The following GFRA2 variants were observed in gnomAD, a reference collection of about 807,000 sequenced individuals.
The protein encoded by GFRA2 is GDNF family receptor alpha 2, also known as GDNF family receptor alpha-2.
GFRA2 carries 17 observed loss-of-function variants against 48.3 expected under a neutral mutation model. The observed-to-expected ratio is 0.35, with a 90% confidence interval of 0.24 to 0.53. The LOEUF (loss-of-function observed/expected upper bound fraction) is 0.53. Ranked by LOEUF, GFRA2 falls within the 20% of genes least tolerant of loss-of-function variation. The probability of loss-of-function intolerance (pLI) is 0.93; values close to 1 mark genes in which losing one functional copy is unlikely to be tolerated. For synonymous variants in GFRA2, 305 were observed against 257.2 expected (o/e 1.19, Z -1.78); for missense variants, 660 against 637.3 (o/e 1.04, Z -0.38).
intron 4 of GFRA2, among the ~76,000 whole-genome samples, chr8:21,718,903 C>G (rs1346042993): frequency 1.3e-5 from 2 of 150,480 alleles, no homozygotes; most frequent in African/African-American, 4.9e-5. Flanking sequence ...GCCCCCAACT[C>G]TGCCCAGCCC....
At chr8:21,790,149 G>A (rs1333059687), upstream of GFRA2, 117 of 956,780 alleles carry the variant, frequency 1.2e-4, no homozygotes, top group Non-Finnish European at 1.4e-4. Flanking sequence ...AAGGGCTGGA[G>A]GAGAGGTGCG....
At chr8:21,746,123 G>A (rs951131305) in intron 4 of GFRA2, among the ~76,000 whole-genome samples, 2 of 152,140 alleles carry the variant, frequency 1.3e-5, no homozygotes, top group African/African-American at 4.8e-5. Context: ...GCCCACTGAA[G>A]ACCATGCAGG....
rs1280961597 is a variant in GFRA2 at position 21,691,618 on chromosome 8, A to G, written c.*1660T>C. On this transcript the variant is annotated 3_prime_UTR_variant, in exon 9 of 9. Coordinates refer to ENST00000524240, the MANE Select transcript of GFRA2 (RefSeq NM_001495.5). ...TACCACTTTGCTCTATGTAAGACTA[A>G]CAGGGCCACCCAGACAGCCTGACAA... 1 of 152,288 alleles carries G rather than the reference A, an allele frequency of 6.6e-6. No homozygotes were observed. The highest frequency in any genetic ancestry group is 1.5e-5 in the Non-Finnish European group (1 of 68,098). The allele number at this position is 152,288 out of a possible 1,614,324, so 9.4% of individuals were successfully genotyped here.
At chr8:21,724,979 T>C (rs2117462725) in intron 4 of GFRA2, among the ~76,000 whole-genome samples, 1 of 152,246 alleles carries the variant, frequency 6.6e-6, no homozygotes, top group South Asian at 2.1e-4. Flanking sequence ...ACCAGCACAA[T>C]CCTTGGACAC....
intron 4 of GFRA2, among the ~76,000 whole-genome samples, chr8:21,749,500 A>C (rs1298363069): frequency 1.3e-5 from 2 of 149,636 alleles, no homozygotes; most frequent in East Asian, 4.0e-4. Context: ...TCCAGGACCC[A>C]TTCCTCACCC....
At chr8:21,720,165 C>T (rs1363287633) in intron 4 of GFRA2, among the ~76,000 whole-genome samples, 1 of 152,028 alleles carries the variant, frequency 6.6e-6, no homozygotes, top group Non-Finnish European at 1.5e-5. Context: ...ATTCCTGACA[C>T]ATAACGTATG....
At chr8:21,759,493 G>A (rs13282215) in intron 3 of GFRA2, among the ~76,000 whole-genome samples, 982 of 92,140 alleles carry the variant, frequency 0.011, 6 homozygotes, top group South Asian at 0.051. Context: ...AAAGAAGGAA[G>A]GAAGGAAGGA....
chr8:21,763,855 T>C (rs1339943580), intron 3 of GFRA2, among the ~76,000 whole-genome samples: 2 of 150,710 alleles, frequency 1.3e-5, no homozygotes, highest in Non-Finnish European at 3.0e-5. Flanking sequence ...CCTCTCCTCC[T>C]CTCTTCCTCC....
At position 21,728,436 on chromosome 8, in the gene GFRA2, G is replaced by A. The variant is rs138542481; in HGVS notation, c.794+22152C>T. On this transcript the variant is annotated intron_variant, in intron 4 of 8. Transcript: ENST00000524240. ...ATTACAGGCACATACCACCACACCC[G>A]GCTATTGTTTGTATTTTTAGTAGAG... Among the ~76,000 whole-genome samples the A allele has an allele frequency of 4.3e-3, 659 of 151,802 alleles. 4 individuals carry two copies. Among genetic ancestry groups the A allele is most frequent in the African/African-American group, 0.015 (634 of 41,362 alleles).
At chr8:21,769,095 G>C (rs2117682854) in intron 3 of GFRA2, 1 of 786,512 alleles carries the variant, frequency 1.3e-6, no homozygotes, top group Non-Finnish European at 1.5e-6. Context: ...AAGCCACTTA[G>C]GGAGTGCCTA....
rs971335251 is a variant in GFRA2, at chr8:21,690,556, T to C, written c.*2722A>G. 6.6e-6 allele frequency: 1 copy of C among 152,232 alleles called. No individual in the cohort carries two copies. Among genetic ancestry groups the C allele is most frequent in the African/African-American group, 2.4e-5 (1 of 41,458 alleles). 9.4% of individuals were successfully genotyped at this position (152,232 alleles called of 1,614,324 possible). A position where few individuals can be genotyped will look rare whatever the true frequency, so the allele number is the denominator to read the frequency against. Reference sequence around the variant, plus strand: ...GAGACATTTGAGGGCAGAGTAAAGCTAGCTAGTATCCACTCCTCCTTCATA... The same window carrying C: ...GAGACATTTGAGGGCAGAGTAAAGCCAGCTAGTATCCACTCCTCCTTCATA... On this transcript the variant is annotated 3_prime_UTR_variant, in exon 9 of 9. Transcript: ENST00000524240.
intron 6 of GFRA2, among the ~76,000 whole-genome samples, chr8:21,703,582 C>T (rs922525205): frequency 6.6e-6 from 1 of 152,214 alleles, no homozygotes; most frequent in African/African-American, 2.4e-5. Flanking sequence ...GGCTAGGCGT[C>T]TCCTCCTACC....
intron 6 of GFRA2, 139 bp downstream of exon 6, chr8:21,704,846 C>T (rs1802657846): frequency 1.4e-6 from 1 of 702,308 alleles, no homozygotes; most frequent in Non-Finnish European, 2.4e-6. Flanking sequence ...AACCCAAGGT[C>T]CCCACGGGCA....
intron 4 of GFRA2, among the ~76,000 whole-genome samples, chr8:21,735,340 G>A (rs760523730): frequency 1.9e-4 from 29 of 152,120 alleles, no homozygotes; most frequent in Non-Finnish European, 2.9e-4. Flanking sequence ...CTATCCCATC[G>A]TGAAGGTGTA....
chr8:21,735,951 C>T (rs1200584249), intron 4 of GFRA2, among the ~76,000 whole-genome samples: 1 of 152,246 alleles, frequency 6.6e-6, no homozygotes, highest in Non-Finnish European at 1.5e-5. Context: ...AAGCACCTGG[C>T]CACATTCTTG....
intron 3 of GFRA2, among the ~76,000 whole-genome samples, chr8:21,765,351 T>C (rs1250685585): frequency 1.3e-5 from 2 of 152,020 alleles, no homozygotes; most frequent in Non-Finnish European, 2.9e-5. Context: ...ACTCAAGAGA[T>C]CCACCCGCCT....
At chr8:21,717,824 C>T (rs139781310) in intron 4 of GFRA2, among the ~76,000 whole-genome samples, 89 of 152,322 alleles carry the variant, frequency 5.8e-4, no homozygotes, top group African/African-American at 2.1e-3. Context: ...CAGGACACAA[C>T]CAAGACCTCA....
chr8:21,783,009 C>CTTGGTGTGCTTTGGCG, intron 1 of GFRA2, 110 bp from the exon 2 acceptor site: 1 of 1,021,658 alleles, frequency 9.8e-7, no homozygotes, highest in Non-Finnish European at 1.5e-6. Context: ...CCCATTTCGC[C>CTTGGTGTGCTTTGGCG]AAAGCACACC....
At chr8:21,783,093 G>C in intron 1 of GFRA2, 194 bp from the exon 2 acceptor site, 1 of 704,718 alleles carries the variant, frequency 1.4e-6, no homozygotes, top group Non-Finnish European at 2.6e-6. Context: ...GGATGTAGGA[G>C]CAAGTTTTCT....
Sources: gnomAD v4.1 joint callset for allele counts (sites outside exome capture counted in the v4.1 genomes callset) on GRCh38, gnomAD v4.1.1 for gene constraint, MANE v1.5 for transcripts, NCBI Gene and HGNC (gene_info 2026-07-23, HGNC 2026-07-21) for gene names.